Variants in TSHZ1 observed in about 807,000 individuals in gnomAD.
TSHZ1 encodes teashirt zinc finger homeobox 1.
Under a neutral mutation model 67.1 loss-of-function variants are expected in TSHZ1, and 12 were observed. The observed-to-expected ratio is 0.18, with a 90% CI of 0.11 to 0.29. The LOEUF is 0.29. Ranked by LOEUF, TSHZ1 falls within the 10% of genes least tolerant of loss-of-function variation. The pLI, the probability that TSHZ1 is intolerant of heterozygous loss-of-function variation, is 1.00. For synonymous variants in TSHZ1, 632 were observed against 622.4 expected, an observed-to-expected ratio of 1.02 and a Z score of -0.23; for missense variants, 1,305 against 1,413.9, an observed-to-expected ratio of 0.92 and a Z score of 1.23.
chr18:75,249,062 C>G (rs1395000235), intron 1 of TSHZ1, among the ~76,000 whole-genome samples: 1 of 152,160 alleles, frequency 6.6e-6, no homozygotes, highest in Non-Finnish European at 1.5e-5. Flanking sequence ...ACTGTGGTCC[C>G]TGGGCTACTG....
chr18:75,269,057 G>A (rs2023526194), intron 1 of TSHZ1, among the ~76,000 whole-genome samples: 1 of 152,144 alleles, frequency 6.6e-6, no homozygotes, highest in South Asian at 2.1e-4. Context: ...CCAGCATACT[G>A]GAAATACGAT....
chr18:75,268,826 T>C (rs867540903), intron 1 of TSHZ1, among the ~76,000 whole-genome samples: 2 of 152,112 alleles, frequency 1.3e-5, no homozygotes, highest in Non-Finnish European at 2.9e-5. Flanking sequence ...ATATTCTTAC[T>C]GATTTAAAGG....
At chr18:75,228,412 T>G (rs1215851649) in intron 1 of TSHZ1, among the ~76,000 whole-genome samples, 1 of 152,216 alleles carries the variant, frequency 6.6e-6, no homozygotes, top group African/African-American at 2.4e-5. Flanking sequence ...GAAATGGAGA[T>G]GTACCCCAGA....
intron 1 of TSHZ1, among the ~76,000 whole-genome samples, chr18:75,222,828 C>T (rs1405916209): frequency 6.6e-6 from 1 of 152,086 alleles, no homozygotes; most frequent in Non-Finnish European, 1.5e-5. Flanking sequence ...AAAGTAGGAT[C>T]TTGTTGTGGT....
intron 1 of TSHZ1, among the ~76,000 whole-genome samples, chr18:75,223,417 T>G (rs988862220): frequency 6.6e-6 from 1 of 152,166 alleles, no homozygotes; most frequent in African/African-American, 2.4e-5. Flanking sequence ...GCAGGCAGCC[T>G]CCTCATTGAT....
intron 1 of TSHZ1, among the ~76,000 whole-genome samples, chr18:75,263,958 T>G (rs2023460168): frequency 6.6e-6 from 1 of 152,240 alleles, no homozygotes; most frequent in Non-Finnish European, 1.5e-5. Flanking sequence ...AAGGCTACTG[T>G]AGTTATACTA....
rs1203830781 is a variant in TSHZ1, at chr18:75,288,613, T to G, written c.3206T>G (p.Ile1069Ser). 1.9e-6 allele frequency: 3 copies of G among 1,605,420 alleles called. No homozygotes were observed. Among genetic ancestry groups the G allele is most frequent in the Non-Finnish European group, 1.7e-6 (2 of 1,176,172 alleles). The change falls in exon 2 of 2, where the codon ATC becomes AGC. Residue 1069 changes from isoleucine to serine, a missense_variant. Ile to Ser is a moderately radical substitution (Grantham distance 142). This residue lies in a region of TSHZ1 where 909 missense variants were observed against 961.8 expected (regional missense o/e 0.95). Coordinates refer to ENST00000580243, the MANE Select transcript of TSHZ1 (RefSeq NM_001308210.2). The surrounding 1 kb of genome is among the most constrained non-coding windows in gnomAD (Gnocchi z 4.9). ...GGCAAGTCTCCCGAGGACCACCTGA[T>G]CTATGTGACTGAGTTGGAGAAACAG... is the stretch of plus-strand genomic sequence containing the variant. ...THGKSPEDHL[I>S]YVTELEKQ
intron 1 of TSHZ1, among the ~76,000 whole-genome samples, chr18:75,246,268 T>C (rs1375363388): frequency 6.6e-6 from 1 of 152,188 alleles, no homozygotes; most frequent in Non-Finnish European, 1.5e-5. Flanking sequence ...AAAATGTAGC[T>C]AACGTGTGTG....
chr18:75,260,513 C>CT (rs951592605), intron 1 of TSHZ1, among the ~76,000 whole-genome samples: 5 of 152,302 alleles, frequency 3.3e-5, no homozygotes, highest in African/African-American at 1.2e-4. Context: ...AGCAGAATCT[C>CT]TGTCTGTGTC....
chr18:75,262,017 T>C lies in TSHZ1; in HGVS notation c.41-23431T>C, dbSNP rs142669311. 2.1e-3 allele frequency among the ~76,000 whole-genome samples: 326 copies of C among 152,208 alleles called. 3 individuals carry two copies. The highest frequency in any genetic ancestry group is 7.6e-3 in the African/African-American group (316 of 41,514). ...GGTTGTGCCTGGTGTGACTTCAGAG[T>C]GCAGGGGGAAGCTGCTGGTTTCGAT... On this transcript the variant is annotated intron_variant, in intron 1 of 1. Coordinates refer to ENST00000580243, the MANE Select transcript of TSHZ1 (RefSeq NM_001308210.2).
At chr18:75,223,350 TG>T (rs1444455076) in intron 1 of TSHZ1, among the ~76,000 whole-genome samples, 1 of 152,210 alleles carries the variant, frequency 6.6e-6, no homozygotes, top group Non-Finnish European at 1.5e-5. Flanking sequence ...TCAGTTTTAA[TG>T]GGTAATAATT....
intron 1 of TSHZ1, among the ~76,000 whole-genome samples, chr18:75,268,052 C>T (rs915370957): frequency 1.3e-5 from 2 of 152,204 alleles, no homozygotes; most frequent in African/African-American, 2.4e-5. Context: ...GAATATAAAT[C>T]ACCAAAGATT....
At chr18:75,274,063 G>A (rs965558802) in intron 1 of TSHZ1, among the ~76,000 whole-genome samples, 4 of 152,062 alleles carry the variant, frequency 2.6e-5, no homozygotes, top group East Asian at 1.9e-4. Context: ...GGTTCCTTGC[G>A]GTCTGTAGGG....
chr18:75,228,314 A>G (rs1163597412), intron 1 of TSHZ1, among the ~76,000 whole-genome samples: 1 of 152,208 alleles, frequency 6.6e-6, no homozygotes, highest in East Asian at 1.9e-4. Flanking sequence ...GAATGGTGCA[A>G]CAGACTCTGG....
At chr18:75,259,364 T>C (rs761026320) in intron 1 of TSHZ1, among the ~76,000 whole-genome samples, 11 of 152,164 alleles carry the variant, frequency 7.2e-5, no homozygotes, top group Non-Finnish European at 1.2e-4. Flanking sequence ...TCCAAAAATA[T>C]TAAACAGAAA....
Position 75,248,989 on chromosome 18 carries a change from C to T in TSHZ1, c.41-36459C>T, listed in dbSNP as rs374230597. 7.4e-4 allele frequency among the ~76,000 whole-genome samples: 113 copies of T among 152,322 alleles called. 1 individual carries two copies. In the South Asian group the frequency reaches 0.022, roughly 30 times the overall value. On this transcript the variant is annotated intron_variant, in intron 1 of 1. Transcript: ENST00000580243. ...GGAGGCCCAGGTGTCTGCTTCCTAA[C>T]GCGGGGCCTGAGCCGGGCACCCTGG...
At chr18:75,226,313 A>C (rs1399338180) in intron 1 of TSHZ1, among the ~76,000 whole-genome samples, 1 of 152,102 alleles carries the variant, frequency 6.6e-6, no homozygotes, top group Non-Finnish European at 1.5e-5. Flanking sequence ...TGGTTCTAGA[A>C]CCTTCTATTA....
chr18:75,284,137 A>G (rs2023720765), intron 1 of TSHZ1: 1 of 152,690 alleles, frequency 6.5e-6, no homozygotes, highest in Non-Finnish European at 1.5e-5. Context: ...AAGCTGAGGC[A>G]GTGTTCCTTG....
chr18:75,214,572 G>C (rs2022742580), intron 1 of TSHZ1, among the ~76,000 whole-genome samples: 1 of 152,172 alleles, frequency 6.6e-6, no homozygotes, highest in Non-Finnish European at 1.5e-5. Flanking sequence ...ATCCGTAACT[G>C]ATGAGTTTTT....
Sources: allele counts gnomAD v4.1 joint callset (sites outside exome capture counted in the v4.1 genomes callset), GRCh38; gene constraint gnomAD v4.1.1; regional missense constraint gnomAD v4.1.1; non-coding constraint Gnocchi (gnomAD v3.1); transcripts MANE v1.5; gene names NCBI Gene and HGNC (gene_info 2026-07-23, HGNC 2026-07-21).